Variants in PAPPA observed in about 807,000 individuals in gnomAD.
PAPPA encodes the protein pappalysin 1.
PAPPA carries 60 observed loss-of-function variants against 164.0 expected under a neutral mutation model. The observed-to-expected ratio is 0.37, with a 90% CI of 0.30 to 0.45. The LOEUF (loss-of-function observed/expected upper bound fraction) is 0.45. Among genes scored for constraint, PAPPA ranks in the 20% least tolerant of loss-of-function variants. The pLI is 1.00. For missense variants in PAPPA, 1,782 were observed against 2,087.3 expected, an observed-to-expected ratio of 0.85 and a Z score of 2.85; for synonymous variants, 875 against 814.1, an observed-to-expected ratio of 1.07 and a Z score of -1.27.
intron 17 of PAPPA, among the ~76,000 whole-genome samples, chr9:116,361,024 T>A (rs533316997): frequency 3.9e-5 from 6 of 152,200 alleles, no homozygotes; most frequent in Non-Finnish European, 8.8e-5. Flanking sequence ...GAAGGAGCAG[T>A]GAGCATGAAA....
intron 7 of PAPPA, among the ~76,000 whole-genome samples, chr9:116,262,023 C>A (rs577501427): frequency 6.6e-6 from 1 of 151,966 alleles, no homozygotes; most frequent in African/African-American, 2.4e-5. Context: ...AACCAGCCTG[C>A]GCAACCTGAT....
intron 9 of PAPPA, among the ~76,000 whole-genome samples, chr9:116,276,128 C>T (rs996957295): frequency 1.3e-5 from 2 of 152,308 alleles, no homozygotes; most frequent in South Asian, 4.1e-4. Flanking sequence ...TGATAACTCT[C>T]CCCAACAGGC....
At chr9:116,395,429 G>A (rs1198564950) in intron 21 of PAPPA, among the ~76,000 whole-genome samples, 3 of 152,188 alleles carry the variant, frequency 2.0e-5, no homozygotes, top group African/African-American at 7.2e-5. Context: ...GCCCAGGCAG[G>A]AGGCAAATGA....
intron 17 of PAPPA, among the ~76,000 whole-genome samples, chr9:116,358,288 C>T (rs968985554): frequency 6.6e-6 from 1 of 152,236 alleles, no homozygotes; most frequent in African/African-American, 2.4e-5. Flanking sequence ...ACTTTCCACT[C>T]ATCCTCCCTT....
At chr9:116,253,345 C>G (rs1844881915) in intron 7 of PAPPA, among the ~76,000 whole-genome samples, 2 of 152,132 alleles carry the variant, frequency 1.3e-5, no homozygotes, top group African/African-American at 4.8e-5. Flanking sequence ...TTTGAGTCCT[C>G]CATTTTGACT....
In PAPPA at chr9:116,308,744, C is replaced by T. The variant is rs183912115; in HGVS notation, c.3147+5794C>T. Among the ~76,000 whole-genome samples, 35 of 152,316 alleles carry T rather than the reference C, an allele frequency of 2.3e-4. No homozygotes were observed. The East Asian group carries it at 6.6e-3, about 29-fold the overall frequency. On this transcript the variant is annotated intron_variant, in intron 10 of 21. Transcript: ENST00000328252. Reference sequence around the variant, plus strand: ...TCTCTCTAATACCCAAAATACTGCCCTACAATTTTTGCCTGCTGCTAAGAT... The same window carrying T: ...TCTCTCTAATACCCAAAATACTGCCTTACAATTTTTGCCTGCTGCTAAGAT...
chr9:116,374,966 G>A (rs1345975975), intron 19 of PAPPA, among the ~76,000 whole-genome samples: 2 of 152,246 alleles, frequency 1.3e-5, no homozygotes, highest in African/African-American at 4.8e-5. Context: ...ATTCCTTCAT[G>A]TATTTCTTCA....
At chr9:116,248,372 A>G (rs915666065) in intron 7 of PAPPA, among the ~76,000 whole-genome samples, 1 of 152,210 alleles carries the variant, frequency 6.6e-6, no homozygotes, top group African/African-American at 2.4e-5. Context: ...ACCCCTGTCT[A>G]TAAAATAAAG....
chr9:116,336,155 G>A, intron 13 of PAPPA, among the ~76,000 whole-genome samples: 1 of 152,092 alleles, frequency 6.6e-6, no homozygotes, highest in East Asian at 1.9e-4. Context: ...TCCAGAAGAA[G>A]AGAGAGTTGT....
rs572198438 is a variant in PAPPA at position 116,255,749 on chromosome 9, T to C, written c.2733-10108T>C. On this transcript the variant is annotated intron_variant, in intron 7 of 21. Coordinates refer to ENST00000328252, the MANE Select transcript of PAPPA (RefSeq NM_002581.5). ...AAAATAAGGATTTTAAATGAGATTT[T>C]CAGGACCCCTGAAACGACCCCTGAA... Among the ~76,000 whole-genome samples the C allele has an allele frequency of 5.9e-5, 9 of 152,048 alleles. 1 individual carries two copies. In the East Asian group the frequency reaches 1.8e-3, roughly 30 times the overall value.
intron 9 of PAPPA, 49 bp from the exon 10 acceptor site, chr9:116,302,708 A>C: frequency 6.6e-7 from 1 of 1,514,474 alleles, no homozygotes; most frequent in Non-Finnish European, 9.1e-7. Context: ...CTGAGGCCAA[A>C]GAACAAATAT....
intron 7 of PAPPA, among the ~76,000 whole-genome samples, chr9:116,237,686 C>T (rs1366959186): frequency 6.6e-6 from 1 of 151,932 alleles, no homozygotes; most frequent in Non-Finnish European, 1.5e-5. Context: ...ACTTTGCATG[C>T]AGGAGGTTGC....
chr9:116,402,022 A>G lies in PAPPA; in HGVS notation c.*5406A>G, dbSNP rs1004141606. ...TCTAAGTTAAATCTTTTGGCAATAT[A>G]TAAAAATGTAAATAGTAAACTTTAT... On this transcript the variant is annotated 3_prime_UTR_variant, in exon 22 of 22. Coordinates refer to ENST00000328252, the MANE Select transcript of PAPPA (RefSeq NM_002581.5). The G allele has an allele frequency of 6.6e-6, 1 of 152,446 alleles. No homozygotes were observed. The highest frequency in any genetic ancestry group is 1.5e-5 in the Non-Finnish European group (1 of 67,982). The allele number at this position is 152,446 out of a possible 1,614,324, so 9.4% of individuals were successfully genotyped here. A position where few individuals can be genotyped will look rare whatever the true frequency, so the allele number is the denominator to read the frequency against.
intron 19 of PAPPA, among the ~76,000 whole-genome samples, chr9:116,369,074 T>A (rs908075131): frequency 1.1e-4 from 16 of 151,972 alleles, no homozygotes; most frequent in African/African-American, 3.9e-4. Context: ...TTCTCTCTCC[T>A]CCCTCTTCTG....
chr9:116,334,809 C>A, intron 12 of PAPPA, 52 bp from the exon 13 acceptor site: 1 of 1,412,030 alleles, frequency 7.1e-7, no homozygotes, highest in Non-Finnish European at 1.0e-6. Context: ...GAGGGCGTGA[C>A]TGGCCTTGAG....
intron 1 of PAPPA, among the ~76,000 whole-genome samples, chr9:116,168,312 T>C (rs1047795801): frequency 2.6e-4 from 40 of 152,180 alleles, no homozygotes; most frequent in Admixed American, 6.6e-4. Context: ...TACATTGAGT[T>C]AGGAGATAAG....
rs957923035 is a variant in PAPPA, at chr9:116,223,005, G to T, written c.2111+2876G>T. 9.2e-5 allele frequency among the ~76,000 whole-genome samples: 14 copies of T among 152,176 alleles called. No individual in the cohort carries two copies. In the South Asian group the frequency reaches 2.9e-3, roughly 32 times the overall value. On this transcript the variant is annotated intron_variant, in intron 5 of 21. Coordinates refer to ENST00000328252, the MANE Select transcript of PAPPA (RefSeq NM_002581.5). ...TAAAAATAAAATGTTAAAAATTTTTGAAACCTATTTGATCACAGTACCACA... is the reference window on the plus strand; with the variant it reads ...TAAAAATAAAATGTTAAAAATTTTTTAAACCTATTTGATCACAGTACCACA...
At chr9:116,178,221 C>T (rs991913154) in intron 1 of PAPPA, among the ~76,000 whole-genome samples, 2 of 152,118 alleles carry the variant, frequency 1.3e-5, no homozygotes, top group Non-Finnish European at 2.9e-5. Context: ...ATTCTCCTGC[C>T]TTAGCCTCCT....
At chr9:116,395,594 G>A (rs1238413251) in intron 21 of PAPPA, among the ~76,000 whole-genome samples, 1 of 152,212 alleles carries the variant, frequency 6.6e-6, no homozygotes, top group Non-Finnish European at 1.5e-5. Flanking sequence ...TTATCTCCTG[G>A]ATGGGGAAGA....
Sources: gnomAD v4.1 joint callset for allele counts (sites outside exome capture counted in the v4.1 genomes callset) on GRCh38, gnomAD v4.1.1 for gene constraint, MANE v1.5 for transcripts, NCBI Gene and HGNC (gene_info 2026-07-23, HGNC 2026-07-21) for gene names.